The following EYA2 variants were observed in gnomAD, a reference collection of about 807,000 sequenced individuals.
EYA2 encodes the protein EYA transcriptional coactivator and phosphatase 2, also known as protein phosphatase EYA2.
EYA2 carries 31 observed loss-of-function variants against 69.2 expected under a neutral mutation model. The ratio of observed to expected loss-of-function variants is 0.45; its 90% CI spans 0.34 to 0.60. The LOEUF is 0.60. EYA2 is among the 20% of genes least tolerant of loss of function. The pLI is 0.02. For missense variants in EYA2, 622 were observed against 701.2 expected, an observed-to-expected ratio of 0.89 and a Z score of 1.28; for synonymous variants, 257 against 279.4, an observed-to-expected ratio of 0.92 and a Z score of 0.80.
At chr20:47,171,449 G>C (rs1316926558) in intron 11 of EYA2, among the ~76,000 whole-genome samples, 2 of 152,128 alleles carry the variant, frequency 1.3e-5, no homozygotes, top group African/African-American at 4.8e-5. Flanking sequence ...AACCTTCAGA[G>C]ATGCCTCGTT....
intron 1 of EYA2, among the ~76,000 whole-genome samples, chr20:46,955,893 G>A (rs181368694): frequency 1.2e-4 from 19 of 152,234 alleles, no homozygotes; most frequent in Admixed American, 2.6e-4. Flanking sequence ...AGCTTTGCAG[G>A]CCATGCAATC....
chr20:46,908,870 CTTT>C (rs56834738), intron 1 of EYA2, among the ~76,000 whole-genome samples: 9 of 47,582 alleles, frequency 1.9e-4, no homozygotes, highest in African/African-American at 7.0e-4. Context: ...CTCTCCCGCA[CTTT>C]TTTTTTTTTT....
Position 46,999,131 on chromosome 20 carries a change from G to A in EYA2, c.110-2297G>A, listed in dbSNP as rs1008893128. Among the ~76,000 whole-genome samples, 5 of 152,166 alleles carry A rather than the reference G, an allele frequency of 3.3e-5. No individual in the cohort carries two copies. In the South Asian group the frequency reaches 8.3e-4, roughly 25 times the overall value. The stretch of plus-strand genomic sequence containing the variant: ...AATTTATGGAATGCCAAGTTAATTC[G>A]AGCCCATAGGAATGTTGTTCCCATA... On this transcript the variant is annotated intron_variant, in intron 2 of 15. Coordinates refer to ENST00000327619, the MANE Select transcript of EYA2 (RefSeq NM_005244.5).
intron 9 of EYA2, among the ~76,000 whole-genome samples, chr20:47,115,427 G>GT (rs1432660800): frequency 6.6e-6 from 1 of 152,040 alleles, no homozygotes; most frequent in African/African-American, 2.4e-5. Context: ...TTTTACTCCT[G>GT]TTATTCACTG....
intron 10 of EYA2, among the ~76,000 whole-genome samples, chr20:47,166,397 A>T (rs2034190466): frequency 6.7e-5 from 6 of 89,722 alleles, no homozygotes; most frequent in African/African-American, 3.9e-4. Flanking sequence ...ACTGTCTAAA[A>T]AAAAAAAAAA....
intron 5 of EYA2, among the ~76,000 whole-genome samples, chr20:47,029,814 C>T (rs1984302571): frequency 6.6e-6 from 1 of 152,122 alleles, no homozygotes; most frequent in Non-Finnish European, 1.5e-5. Context: ...TTATTGAACA[C>T]AGTACAGTTA....
chr20:46,898,446 A>T (rs577958736), intron 1 of EYA2, among the ~76,000 whole-genome samples: 2 of 148,490 alleles, frequency 1.3e-5, no homozygotes, highest in African/African-American at 4.9e-5. Flanking sequence ...ACTCACTCCC[A>T]ACCCTCTTCC....
chr20:46,911,455 C>G (rs1984639758), intron 1 of EYA2, among the ~76,000 whole-genome samples: 2 of 152,132 alleles, frequency 1.3e-5, no homozygotes, highest in South Asian at 4.2e-4. Context: ...TATGAGTTGG[C>G]TGATTTTTGA....
chr20:47,128,968 A>G (rs2146573070), intron 9 of EYA2, among the ~76,000 whole-genome samples: 1 of 152,302 alleles, frequency 6.6e-6, no homozygotes, highest in South Asian at 2.1e-4. Context: ...ATTAAAAAAT[A>G]CAAAAATTAG....
intron 1 of EYA2, among the ~76,000 whole-genome samples, chr20:46,943,667 C>T (rs1199470182): frequency 6.6e-6 from 1 of 152,180 alleles, no homozygotes; most frequent in Non-Finnish European, 1.5e-5. Context: ...GGATTTCAAG[C>T]ACGACATATA....
intron 3 of EYA2, among the ~76,000 whole-genome samples, chr20:47,003,458 A>C (rs1464810732): frequency 6.6e-6 from 1 of 152,218 alleles, no homozygotes; most frequent in Admixed American, 6.5e-5. Flanking sequence ...CTGCTGCTCA[A>C]ATCCAGCTGA....
chr20:46,968,700 A>G (rs889556027), intron 1 of EYA2, among the ~76,000 whole-genome samples: 2 of 152,092 alleles, frequency 1.3e-5, no homozygotes. Context: ...CCGGATGCCA[A>G]TAGCACCCTC....
intron 1 of EYA2, among the ~76,000 whole-genome samples, chr20:46,948,567 G>C (rs1978613797): frequency 6.6e-6 from 1 of 152,176 alleles, no homozygotes. Context: ...GCCCAGTACA[G>C]GGTTAGTGCT....
intron 5 of EYA2, among the ~76,000 whole-genome samples, chr20:47,050,843 A>C (rs750633435): frequency 3.9e-5 from 6 of 152,206 alleles, no homozygotes; most frequent in African/African-American, 1.4e-4. Flanking sequence ...ATTTGGAGAG[A>C]GAAAGCGTAG....
At chr20:46,947,985 T>C (rs1021527182) in intron 1 of EYA2, among the ~76,000 whole-genome samples, 3 of 151,478 alleles carry the variant, frequency 2.0e-5, no homozygotes, top group African/African-American at 4.8e-5. Flanking sequence ...TGCATGGTGG[T>C]GCATGCCTGT....
intron 5 of EYA2, among the ~76,000 whole-genome samples, chr20:47,051,392 TATGA>T (rs2030325378): frequency 1.3e-5 from 2 of 152,162 alleles, no homozygotes; most frequent in South Asian, 4.1e-4. Context: ...CCACCGAAAC[TATGA>T]ATGAACCTTC....
chr20:47,023,643 T>A lies in EYA2; in HGVS notation c.415+7346T>A. On this transcript the variant is annotated intron_variant, in intron 5 of 15. Transcript: ENST00000327619. The stretch of plus-strand genomic sequence containing the variant: ...GTTTGATTTTGGGTGTTTTTTTTTT[T>A]TTTTTTTTTTTGAAGACAGAGCCTT... Among the ~76,000 whole-genome samples, 2 of 140,604 alleles carry A rather than the reference T, an allele frequency of 1.4e-5. 1 individual carries two copies. Among genetic ancestry groups the A allele is most frequent in the East Asian group, 4.0e-4 (2 of 4,950 alleles). 92.2% of individuals were successfully genotyped at this position (140,604 alleles called of 152,430 possible).
At chr20:47,024,447 G>A (rs1983960952) in intron 5 of EYA2, among the ~76,000 whole-genome samples, 1 of 152,216 alleles carries the variant, frequency 6.6e-6, no homozygotes, top group African/African-American at 2.4e-5. Context: ...TCTGAAGCTT[G>A]TTGCTTCTGA....
intron 1 of EYA2, among the ~76,000 whole-genome samples, chr20:46,923,726 A>C (rs1362030213): frequency 6.6e-6 from 1 of 152,122 alleles, no homozygotes; most frequent in Non-Finnish European, 1.5e-5. Flanking sequence ...AGAGAGAGGG[A>C]ATTGGTAAGC....
Sources: allele counts gnomAD v4.1 joint callset (sites outside exome capture counted in the v4.1 genomes callset), GRCh38; gene constraint gnomAD v4.1.1; transcripts MANE v1.5; gene names NCBI Gene and HGNC (gene_info 2026-07-23, HGNC 2026-07-21).